TENM2: variants seen among roughly 807,000 people sequenced by gnomAD.
The protein encoded by TENM2 is teneurin transmembrane protein 2, also known as teneurin-2.
A neutral mutation model predicts 245.2 loss-of-function variants in TENM2; 52 were observed. That is an observed-to-expected ratio of 0.21 (90% CI 0.17 to 0.27). The LOEUF is 0.27. Among genes scored for constraint, TENM2 ranks in the 10% least tolerant of loss-of-function variants. TENM2 has a pLI of 1.00. For synonymous variants in TENM2, 1,363 were observed against 1,438.9 expected, an observed-to-expected ratio of 0.95 and a Z score of 1.19; for missense variants, 3,046 against 3,666.8, an observed-to-expected ratio of 0.83 and a Z score of 4.37.
chr5:168,227,162 A>G (rs1449716535), intron 24 of TENM2, among the ~76,000 whole-genome samples: 1 of 152,148 alleles, frequency 6.6e-6, no homozygotes, highest in African/African-American at 2.4e-5. Context: ...GTGTATCTGT[A>G]AAAGGAGTCT....
intron 2 of TENM2, among the ~76,000 whole-genome samples, chr5:167,614,135 G>A (rs983684489): frequency 3.9e-5 from 6 of 152,040 alleles, no homozygotes; most frequent in East Asian, 1.9e-4. Context: ...GAGGGTACAC[G>A]CCGCTACTCA....
intron 2 of TENM2, among the ~76,000 whole-genome samples, chr5:167,599,086 T>C (rs1247708914): frequency 1.3e-5 from 2 of 152,158 alleles, no homozygotes; most frequent in African/African-American, 4.8e-5. Flanking sequence ...GGCAAAACAA[T>C]GTATGGGAGA....
intron 2 of TENM2, among the ~76,000 whole-genome samples, chr5:167,712,555 TG>T (rs1393590664): frequency 1.1e-4 from 16 of 152,228 alleles, no homozygotes; most frequent in African/African-American, 3.9e-4. Flanking sequence ...CTTCATTTTT[TG>T]TTTTATAGGG....
intron 1 of TENM2, among the ~76,000 whole-genome samples, chr5:167,342,342 C>T (rs1758151786): frequency 6.6e-6 from 1 of 151,838 alleles, no homozygotes; most frequent in Admixed American, 6.6e-5. Flanking sequence ...TTCTCTTGAT[C>T]AAAGTAGAGT....
chr5:168,113,145 C>T (rs947477686), intron 9 of TENM2, among the ~76,000 whole-genome samples: 2 of 151,854 alleles, frequency 1.3e-5, no homozygotes, highest in African/African-American at 2.4e-5. Flanking sequence ...AAAGAGACCC[C>T]GTCTCTACCG....
chr5:167,912,319 C>G (rs1029962753), intron 3 of TENM2, among the ~76,000 whole-genome samples: 2 of 152,180 alleles, frequency 1.3e-5, no homozygotes, highest in African/African-American at 2.4e-5. Context: ...GTCACTATGA[C>G]AGGATTTTTT....
At chr5:167,078,920 C>CA in the TENM2 span, among the ~76,000 whole-genome samples, 5 of 152,072 alleles carry the variant, frequency 3.3e-5, no homozygotes, top group Non-Finnish European at 7.3e-5. Context: ...GCTTGGGGGC[C>CA]ATGTTAGACA....
intron 2 of TENM2, among the ~76,000 whole-genome samples, chr5:167,404,207 GA>G (rs2127391108): frequency 7.0e-6 from 1 of 141,952 alleles, no homozygotes; most frequent in African/African-American, 2.5e-5. Context: ...TAGAAGAGAA[GA>G]GTGGCAGAGA....
intron 2 of TENM2, among the ~76,000 whole-genome samples, chr5:167,863,135 A>G (rs1287217819): frequency 1.3e-5 from 2 of 152,220 alleles, no homozygotes; most frequent in East Asian, 1.9e-4. Flanking sequence ...CATCTGTAAA[A>G]TAGGGAGAAT....
At chr5:167,109,989 T>G in the TENM2 span, among the ~76,000 whole-genome samples, 1 of 152,174 alleles carries the variant, frequency 6.6e-6, no homozygotes, top group African/African-American at 2.4e-5. Flanking sequence ...CAGAGTGGCT[T>G]AAATAAAGAA....
chr5:168,186,713 G>T (rs1760471728), intron 13 of TENM2: 1 of 152,224 alleles, frequency 6.6e-6, no homozygotes, highest in South Asian at 2.1e-4. Context: ...ATCGTCCATT[G>T]TCATAGGAGG....
the TENM2 span, among the ~76,000 whole-genome samples, chr5:167,039,473 G>A: frequency 6.6e-6 from 1 of 152,132 alleles, no homozygotes; most frequent in Non-Finnish European, 1.5e-5. Context: ...TTGCAGATTA[G>A]GCATCTATGC....
intron 2 of TENM2, among the ~76,000 whole-genome samples, chr5:167,858,752 G>A (rs1476543264): frequency 6.6e-6 from 1 of 150,796 alleles, no homozygotes; most frequent in African/African-American, 2.4e-5. Context: ...CCCGACCGCC[G>A]GGAGGATGGA....
chr5:167,408,235 T>C (rs1299155996), intron 2 of TENM2, among the ~76,000 whole-genome samples: 1 of 152,096 alleles, frequency 6.6e-6, no homozygotes, highest in East Asian at 1.9e-4. Flanking sequence ...CTCCTAAAAG[T>C]AGAAGGAAGC....
chr5:167,728,014 C>T (rs1173775887), intron 2 of TENM2, among the ~76,000 whole-genome samples: 2 of 152,156 alleles, frequency 1.3e-5, no homozygotes, highest in Non-Finnish European at 2.9e-5. Flanking sequence ...CCTGTGTCAA[C>T]AATCTGGCCC....
At chr5:167,111,317 G>A in the TENM2 span, among the ~76,000 whole-genome samples, 1 of 152,244 alleles carries the variant, frequency 6.6e-6, no homozygotes, top group Middle Eastern at 3.4e-3. Context: ...AACAACTGAT[G>A]CATGTAAGTA....
exon 21 of TENM2, chr5:168,215,104 G>A (rs987736194): frequency 1.2e-6 from 2 of 1,613,804 alleles, no homozygotes; most frequent in Non-Finnish European, 1.7e-6. Flanking sequence ...CTACGTGTCC[G>A]ACACCAACAG....
chr5:167,774,142 AAGGG>A lies in TENM2; in HGVS notation c.503-101824_503-101821del, dbSNP rs199799763. 7.7e-3 allele frequency among the ~76,000 whole-genome samples: 1,045 copies of A among 136,516 alleles called. 17 individuals carry two copies. The highest frequency in any genetic ancestry group is 0.024 in the African/African-American group (889 of 37,212). The allele number at this position is 136,516 out of a possible 152,430, so 89.6% of individuals were successfully genotyped here. The stretch of plus-strand genomic sequence containing the variant: ...GAAACAATTGTCATCTCAATAATAA[AAGGG>A]AGGGAGGGAGGGAGGGAGGAAGGAA... On this transcript the variant is annotated intron_variant, in intron 2 of 28. Coordinates refer to ENST00000518659, the Ensembl canonical transcript of TENM2.
intron 1 of TENM2, among the ~76,000 whole-genome samples, chr5:167,304,442 C>A (rs886653652): frequency 6.6e-6 from 1 of 152,154 alleles, no homozygotes; most frequent in South Asian, 2.1e-4. Flanking sequence ...CGTTTGGCAG[C>A]TAATTCATTT....
Sources: allele counts gnomAD v4.1 joint callset (sites outside exome capture counted in the v4.1 genomes callset), GRCh38; gene constraint gnomAD v4.1.1; transcripts MANE v1.5; gene names NCBI Gene and HGNC (gene_info 2026-07-23, HGNC 2026-07-21).